CDCA7L: variants seen among roughly 807,000 people sequenced by gnomAD.
CDCA7L encodes the protein cell division cycle-associated 7-like protein.
Under a neutral mutation model 57.4 loss-of-function variants are expected in CDCA7L, and 44 were observed. The ratio of observed to expected loss-of-function variants is 0.77; its 90% CI spans 0.60 to 0.98. CDCA7L has a LOEUF of 0.98. Ranked by LOEUF, CDCA7L falls within the 50% of genes least tolerant of loss-of-function variation. CDCA7L has a pLI of 0.00. For synonymous variants in CDCA7L, 236 were observed against 202.8 expected (o/e 1.16, Z -1.39); for missense variants, 644 against 580.6 (o/e 1.11, Z -1.12).
At chr7:21,919,221 C>T (rs1431946479) in intron 1 of CDCA7L, among the ~76,000 whole-genome samples, 1 of 152,112 alleles carries the variant, frequency 6.6e-6, no homozygotes, top group Non-Finnish European at 1.5e-5. Context: ...CTCTCACTCT[C>T]CCCCTTTTCT....
Position 21,945,415 on chromosome 7 carries a change from G to A in CDCA7L, c.24+366C>T, listed in dbSNP as rs978356571. 7.9e-5 allele frequency among the ~76,000 whole-genome samples: 12 copies of A among 151,318 alleles called. 1 individual carries two copies. In the South Asian group the frequency reaches 2.3e-3, roughly 29 times the overall value. On this transcript the variant is annotated intron_variant, in intron 1 of 9. Transcript: ENST00000406877. ...CTTCCTGATCTCTGTGCCAATTCCC[G>A]GAGAAAGTGTGGGGAGTGCACAAAA...
intron 9 of CDCA7L, 68 bp from the exon 10 acceptor site, chr7:21,902,420 GA>G: frequency 6.9e-7 from 1 of 1,445,038 alleles, no homozygotes; most frequent in East Asian, 2.3e-5. Flanking sequence ...AGGCTTGAGA[GA>G]TTCCACAATC....
chr7:21,939,624 G>A (rs1786279935), intron 1 of CDCA7L, among the ~76,000 whole-genome samples: 2 of 152,152 alleles, frequency 1.3e-5, no homozygotes. Flanking sequence ...TATCAAATTG[G>A]ACAAGTCTGT....
chr7:21,942,581 C>T (rs771530920), intron 1 of CDCA7L, among the ~76,000 whole-genome samples: 3 of 152,194 alleles, frequency 2.0e-5, no homozygotes, highest in Non-Finnish European at 4.4e-5. Context: ...AATGTAATGC[C>T]TGGCTTATTC....
chr7:21,940,465 C>G (rs929337452), intron 1 of CDCA7L: 1 of 194,450 alleles, frequency 5.1e-6, no homozygotes, highest in Admixed American at 6.5e-5. Flanking sequence ...ATGCCAGACA[C>G]CATGCTAAGA....
At chr7:21,928,439 C>G (rs1251543691) in intron 1 of CDCA7L, among the ~76,000 whole-genome samples, 4 of 152,054 alleles carry the variant, frequency 2.6e-5, no homozygotes, top group Non-Finnish European at 5.9e-5. Context: ...GGGAACAAAA[C>G]TGGATGGAGA....
At chr7:21,929,808 C>A (rs1012739076) in intron 1 of CDCA7L, among the ~76,000 whole-genome samples, 2 of 151,998 alleles carry the variant, frequency 1.3e-5, no homozygotes, top group Non-Finnish European at 2.9e-5. Flanking sequence ...ACAGGAGCAC[C>A]CAGATGCATA....
intron 3 of CDCA7L, among the ~76,000 whole-genome samples, chr7:21,910,956 C>A (rs1157733637): frequency 7.1e-6 from 1 of 141,814 alleles, no homozygotes; most frequent in Non-Finnish European, 1.5e-5. Flanking sequence ...AGAAAGTTGT[C>A]ATCTAAGATA....
rs773584328 is a variant in CDCA7L at position 21,916,889 on chromosome 7, A to G, written c.30T>C (p.Pro10=). The G allele has an allele frequency of 8.7e-6, 14 of 1,614,068 alleles. No homozygotes were observed. Among genetic ancestry groups the G allele is most frequent in the Non-Finnish European group, 1.1e-5 (13 of 1,179,962 alleles). The change falls in exon 2 of 10, where the codon CCT becomes CCC. Residue 10 remains proline, a synonymous_variant. Transcript: ENST00000406877. The part of the protein sequence containing the change: MELATRYQI[P]KEVADIFNAP... ...CGTTAAAGATGTCAGCCACTTCTTT[A>G]GGGATCTGTTTTGGATTCAAAAGAG...
chr7:21,906,463 T>G lies in CDCA7L; in HGVS notation c.754-7A>C, dbSNP rs549290765. ...GCCTCACTGTCTTCTTCCTCTGAAA[T>G]CAAGAGCACAGACAGAGACAACTGG... On this transcript the variant is annotated splice_region_variant and splice_polypyrimidine_tract_variant and intron_variant, in intron 5 of 9. Coordinates refer to ENST00000406877, the MANE Select transcript of CDCA7L (RefSeq NM_018719.5). 1 of 1,608,746 alleles carries G rather than the reference T, an allele frequency of 6.2e-7. No homozygotes were observed. The highest frequency in any genetic ancestry group is 8.5e-7 in the Non-Finnish European group (1 of 1,176,670).
chr7:21,933,754 A>G (rs1013535250), intron 1 of CDCA7L, among the ~76,000 whole-genome samples: 3 of 152,170 alleles, frequency 2.0e-5, no homozygotes, highest in Non-Finnish European at 2.9e-5. Context: ...ATACCTATGT[A>G]ACAAACCTGC....
intron 7 of CDCA7L, among the ~76,000 whole-genome samples, chr7:21,905,014 T>C (rs888013600): frequency 1.3e-5 from 2 of 152,228 alleles, no homozygotes; most frequent in Non-Finnish European, 2.9e-5. Context: ...TTTTTAAATA[T>C]TGGCAACTAA....
chr7:21,940,376 C>T (rs1562639080), intron 1 of CDCA7L: 1 of 846,598 alleles, frequency 1.2e-6, no homozygotes, highest in East Asian at 1.2e-4. Context: ...AACAATACTA[C>T]TTTGCCCTTC....
chr7:21,901,546 G>T lies in CDCA7L; in HGVS notation c.*776C>A. 4.3e-6 allele frequency: 1 copy of T among 233,048 alleles called. No homozygotes were observed. Among genetic ancestry groups the T allele is most frequent in the Non-Finnish European group, 8.2e-6 (1 of 122,192 alleles). 14.4% of individuals were successfully genotyped at this position (233,048 alleles called of 1,614,324 possible). A position where few individuals can be genotyped will look rare whatever the true frequency, so the allele number is the denominator to read the frequency against. On this transcript the variant is annotated 3_prime_UTR_variant, in exon 10 of 10. Coordinates refer to ENST00000406877, the MANE Select transcript of CDCA7L (RefSeq NM_018719.5). ...GTTGCACCACTGCACTCCCTCCTGG[G>T]CAACAGAACAAGACTCCATCTCAAA...
Position 21,916,417 on chromosome 7 carries a change from C to T in CDCA7L, c.165+337G>A, listed in dbSNP as rs371627822. ...ACAATCCCTCATGCCTCGCCGCAGC[C>T]TCGCCTCTGTGGGAAGACCCTGAAC... On this transcript the variant is annotated intron_variant, in intron 2 of 9. Coordinates refer to ENST00000406877, the MANE Select transcript of CDCA7L (RefSeq NM_018719.5). Among the ~76,000 whole-genome samples, 18 of 151,590 alleles carry T rather than the reference C, an allele frequency of 1.2e-4. No individual in the cohort carries two copies. In the East Asian group the frequency reaches 1.5e-3, roughly 13 times the overall value.
At chr7:21,925,709 G>A (rs182100119) in intron 1 of CDCA7L, among the ~76,000 whole-genome samples, 6 of 152,204 alleles carry the variant, frequency 3.9e-5, no homozygotes, top group African/African-American at 1.4e-4. Flanking sequence ...GGGCAATACA[G>A]CAAGACTCCA....
intron 1 of CDCA7L, among the ~76,000 whole-genome samples, chr7:21,917,474 C>A (rs1359492856): frequency 6.6e-6 from 1 of 152,146 alleles, no homozygotes; most frequent in Non-Finnish European, 1.5e-5. Flanking sequence ...CCAGAGAGAA[C>A]AATGTCAGCA....
At chr7:21,913,166 A>G (rs535846688) in intron 2 of CDCA7L, among the ~76,000 whole-genome samples, 35 of 152,358 alleles carry the variant, frequency 2.3e-4, no homozygotes, top group Non-Finnish European at 4.4e-4. Flanking sequence ...AAAGATAGAT[A>G]TAATAGACAA....
intron 1 of CDCA7L, among the ~76,000 whole-genome samples, chr7:21,926,887 T>C (rs545817446): frequency 2.0e-5 from 3 of 151,738 alleles, no homozygotes; most frequent in Non-Finnish European, 2.9e-5. Flanking sequence ...CTAATAATAA[T>C]AACAATAATA....
Sources: allele counts gnomAD v4.1 joint callset (sites outside exome capture counted in the v4.1 genomes callset), GRCh38; gene constraint gnomAD v4.1.1; transcripts MANE v1.5; gene names NCBI Gene and HGNC (gene_info 2026-07-23, HGNC 2026-07-21).